DENND1A: variants seen among roughly 807,000 people sequenced by gnomAD.
The protein encoded by DENND1A is DENN domain containing 1A.
DENND1A carries 51 observed loss-of-function variants against 113.7 expected under a neutral mutation model. The ratio of observed to expected loss-of-function variants is 0.45; its 90% CI spans 0.36 to 0.57. The LOEUF is 0.57. Ranked by LOEUF, DENND1A falls within the 20% of genes least tolerant of loss-of-function variation. DENND1A has a pLI of 0.00. For synonymous variants in DENND1A, 565 were observed against 570.8 expected (o/e 0.99, Z 0.14); for missense variants, 1,258 against 1,395.9 (o/e 0.90, Z 1.57).
At chr9:123,796,484 G>A (rs1174291517) in intron 2 of DENND1A, among the ~76,000 whole-genome samples, 1 of 152,042 alleles carries the variant, frequency 6.6e-6, no homozygotes, top group Non-Finnish European at 1.5e-5. Flanking sequence ...ATGTTTTCCA[G>A]TCTTCTACTA....
intron 13 of DENND1A, among the ~76,000 whole-genome samples, chr9:123,528,996 C>T (rs1218456586): frequency 2.0e-5 from 3 of 152,206 alleles, no homozygotes; most frequent in Admixed American, 1.3e-4. Context: ...ATCACATCCT[C>T]GTTGTGTCAC....
At chr9:123,818,253 T>G (rs1228190320) in intron 2 of DENND1A, among the ~76,000 whole-genome samples, 1 of 151,118 alleles carries the variant, frequency 6.6e-6, no homozygotes, top group African/African-American at 2.4e-5. Flanking sequence ...TACAGGCGCC[T>G]GCCACCACAC....
intron 3 of DENND1A, among the ~76,000 whole-genome samples, chr9:123,772,987 T>C (rs1829961568): frequency 6.6e-6 from 1 of 152,180 alleles, no homozygotes. Context: ...GTGAGTTCAG[T>C]AGCAAAGTTT....
chr9:123,665,143 G>A (rs943090475), intron 8 of DENND1A, among the ~76,000 whole-genome samples: 5 of 152,164 alleles, frequency 3.3e-5, no homozygotes, highest in African/African-American at 1.2e-4. Context: ...TCAAAGTATA[G>A]CATGTTATGT....
chr9:123,440,517 T>C, intron 18 of DENND1A, 26 bp from the exon 19 acceptor site: 2 of 1,534,670 alleles, frequency 1.3e-6, no homozygotes, highest in Non-Finnish European at 1.7e-6. Flanking sequence ...TAGTCAGCGG[T>C]TGGCACTGGG....
chr9:123,646,326 G>A (rs1416712421), intron 9 of DENND1A, among the ~76,000 whole-genome samples: 1 of 152,080 alleles, frequency 6.6e-6, no homozygotes, highest in Non-Finnish European at 1.5e-5. Context: ...GAGACCAGAG[G>A]AATTAGTAAA....
At chr9:123,499,091 T>C (rs758156892) in intron 13 of DENND1A, among the ~76,000 whole-genome samples, 2 of 151,924 alleles carry the variant, frequency 1.3e-5, no homozygotes, top group African/African-American at 2.4e-5. Context: ...TGGAGTGCAG[T>C]GTCGTGATCT....
At chr9:123,624,510 C>A (rs182104589) in intron 10 of DENND1A, among the ~76,000 whole-genome samples, 4 of 152,288 alleles carry the variant, frequency 2.6e-5, no homozygotes, top group Admixed American at 2.0e-4. Flanking sequence ...CAATCCCCAC[C>A]GGCCTGTAAT....
intron 10 of DENND1A, among the ~76,000 whole-genome samples, chr9:123,627,470 G>A (rs111464143): frequency 5.3e-5 from 8 of 152,326 alleles, no homozygotes; most frequent in South Asian, 2.1e-4. Context: ...CAACAGGCAC[G>A]GTGGCTCACG....
Position 123,592,588 on chromosome 9 carries a change from T to G in DENND1A, c.766-9318A>C, listed in dbSNP as rs183212558. ...GCTGGTAATATTTTGTTTCAATATC[T>G]GGGTGGTGGTTACATGTATATGTCC... On this transcript the variant is annotated intron_variant, in intron 11 of 23. Coordinates refer to ENST00000394215, the MANE Select transcript of DENND1A (RefSeq NM_001352964.2). 2.8e-4 allele frequency among the ~76,000 whole-genome samples: 43 copies of G among 152,348 alleles called. No homozygotes were observed. The East Asian group carries it at 8.1e-3, about 29-fold the overall frequency.
intron 5 of DENND1A, among the ~76,000 whole-genome samples, chr9:123,745,560 T>C (rs377586821): frequency 8.5e-5 from 13 of 152,354 alleles, no homozygotes; most frequent in African/African-American, 2.6e-4. Flanking sequence ...TAGAATAAAA[T>C]TGCCCAATTT....
At chr9:123,585,501 T>C (rs948613805) in intron 11 of DENND1A, among the ~76,000 whole-genome samples, 3 of 152,234 alleles carry the variant, frequency 2.0e-5, no homozygotes, top group Non-Finnish European at 4.4e-5. Flanking sequence ...TTTTGTTATA[T>C]GAAGCACAAT....
rs530237357 is a variant in DENND1A, at chr9:123,553,441, G to A, written c.993+4129C>T. ...TCATCCCTCCGTGATTCTGATCCGC[G>A]GCCAGGGTTGGGAACCACAAGGGTC... On this transcript the variant is annotated intron_variant, in intron 13 of 23. Coordinates refer to ENST00000394215, the MANE Select transcript of DENND1A (RefSeq NM_001352964.2). 1.1e-4 allele frequency among the ~76,000 whole-genome samples: 17 copies of A among 148,884 alleles called. No individual in the cohort carries two copies. In the South Asian group the frequency reaches 2.6e-3, roughly 23 times the overall value.
At chr9:123,915,559 A>C (rs1854935568) in intron 1 of DENND1A, among the ~76,000 whole-genome samples, 1 of 152,176 alleles carries the variant, frequency 6.6e-6, no homozygotes, top group South Asian at 2.1e-4. Context: ...CCATTATAAA[A>C]ATTAAAGTAA....
chr9:123,749,795 C>A (rs1362751507), intron 5 of DENND1A, among the ~76,000 whole-genome samples: 1 of 152,098 alleles, frequency 6.6e-6, no homozygotes, highest in Non-Finnish European at 1.5e-5. Context: ...TCCTGGAGTT[C>A]TTGAGGTGGT....
In DENND1A at chr9:123,884,201, C is replaced by A. The variant is rs142164796; in HGVS notation, c.18-5180G>T. 4.5e-3 allele frequency among the ~76,000 whole-genome samples: 688 copies of A among 152,260 alleles called. 2 individuals carry two copies. The highest frequency in any genetic ancestry group is 6.9e-3 in the Non-Finnish European group (472 of 68,024). On this transcript the variant is annotated intron_variant, in intron 1 of 23. Transcript: ENST00000394215. ...TATAACAATTTCCAGAGGCTCTCTGCGACCACCTTGAGATTGCTTATCCCT... is the reference window on the plus strand; with the variant it reads ...TATAACAATTTCCAGAGGCTCTCTGAGACCACCTTGAGATTGCTTATCCCT...
rs1258794638 is a variant in DENND1A, at chr9:123,381,875, C to G, written c.2770G>C (p.Gly924Arg). ...AGGAGGCCGGACGCAAAAGCCGGCC[C>G]CAGGGAAGCTGGAGGGGCCCCGAAA... ...GPFGAPPASL[G>R]PAFASGLLLS... The change falls in exon 24 of 24, where the codon GGG (glycine) becomes CGG (arginine). Residue 924 changes from glycine to arginine, a missense_variant. By Grantham distance (125) the Gly-to-Arg change is moderately radical. Transcript: ENST00000394215. This position sits in a 1 kb window ranked among gnomAD's most constrained non-coding sequence, Gnocchi z 4.7. The G allele has an allele frequency of 6.9e-7, 1 of 1,448,232 alleles. No homozygotes were observed. Among genetic ancestry groups the G allele is most frequent in the Non-Finnish European group, 9.1e-7 (1 of 1,099,610 alleles). The allele number at this position is 1,448,232 out of a possible 1,614,324, so 89.7% of individuals were successfully genotyped here.
At chr9:123,411,895 G>A (rs566564507) in intron 19 of DENND1A, 66 bp from the exon 20 acceptor site, 9 of 969,210 alleles carry the variant, frequency 9.3e-6, no homozygotes, top group East Asian at 1.1e-4. Context: ...TTCCACACAC[G>A]GCCTGGAGGA....
intron 13 of DENND1A, among the ~76,000 whole-genome samples, chr9:123,484,421 TA>T (rs1220122804): frequency 6.6e-6 from 1 of 152,072 alleles, no homozygotes; most frequent in Non-Finnish European, 1.5e-5. Context: ...CTCCCCTGCT[TA>T]AATCCTTCAA....
Sources: allele counts gnomAD v4.1 joint callset (sites outside exome capture counted in the v4.1 genomes callset), GRCh38; gene constraint gnomAD v4.1.1; non-coding constraint Gnocchi (gnomAD v3.1); transcripts MANE v1.5; gene names NCBI Gene and HGNC (gene_info 2026-07-23, HGNC 2026-07-21).